Variants in LRBA observed in about 807,000 individuals in gnomAD.
The protein encoded by LRBA is lipopolysaccharide-responsive and beige-like anchor protein.
LRBA carries 176 observed loss-of-function variants against 330.0 expected under a neutral mutation model. The ratio of observed to expected loss-of-function variants is 0.53; its 90% CI spans 0.47 to 0.60. The LOEUF (loss-of-function observed/expected upper bound fraction) is 0.60, where lower values mean the gene tolerates loss of function less well. Among genes scored for constraint, LRBA ranks in the 20% least tolerant of loss-of-function variants. The pLI, the probability that LRBA is intolerant of heterozygous loss-of-function variation, is 0.00. For synonymous variants in LRBA, 1,230 were observed against 1,193.0 expected, an observed-to-expected ratio of 1.03 and a Z score of -0.64; for missense variants, 3,259 against 3,444.8, an observed-to-expected ratio of 0.95 and a Z score of 1.35.
In LRBA at chr4:150,321,864, AACT is replaced by A. The variant is rs1220195730; in HGVS notation, c.7453-499_7453-497del. On this transcript the variant is annotated intron_variant, in intron 49 of 56. Transcript: ENST00000651943. The surrounding 1 kb of genome is among the most constrained non-coding windows in gnomAD (Gnocchi z 4.5). Reference sequence around the variant, plus strand: ...GTTGAGTTAGCAGGAAGATTTTGACAACTACAAAGAGGTAATGAAAACAAATAC... The same window carrying A: ...GTTGAGTTAGCAGGAAGATTTTGACAACAAAGAGGTAATGAAAACAAATAC... 2.0e-5 allele frequency among the ~76,000 whole-genome samples: 3 copies of A among 152,206 alleles called. No homozygotes were observed. The highest frequency in any genetic ancestry group is 4.4e-5 in the Non-Finnish European group (3 of 68,040).
chr4:150,774,135 T>C (rs1449551548), intron 34 of LRBA, among the ~76,000 whole-genome samples: 4 of 152,254 alleles, frequency 2.6e-5, no homozygotes, highest in African/African-American at 9.6e-5. Flanking sequence ...CCAACAAGGA[T>C]GTTTTGTTTA....
At chr4:150,338,806 T>C (rs79560716) in intron 48 of LRBA, among the ~76,000 whole-genome samples, 2,470 of 152,300 alleles carry the variant, frequency 0.016, 35 homozygotes, top group Admixed American at 0.025. Flanking sequence ...AACTTATAGC[T>C]AGACATTAAC....
chr4:150,842,412 C>G (rs944166453), intron 28 of LRBA, among the ~76,000 whole-genome samples: 1 of 152,158 alleles, frequency 6.6e-6, no homozygotes, highest in African/African-American at 2.4e-5. Flanking sequence ...CTCAGCCTCC[C>G]AAGTAGCTAG....
rs571146027 is a variant in LRBA, at chr4:150,778,728, G to A, written c.5581-16881C>T. Reference sequence around the variant, plus strand: ...TGATCATCATTAAGTCTGTATCAGGGCTCCACATTTAGGAGCCATATAAAT... The same window carrying A: ...TGATCATCATTAAGTCTGTATCAGGACTCCACATTTAGGAGCCATATAAAT... On this transcript the variant is annotated intron_variant, in intron 34 of 56. Coordinates refer to ENST00000651943, the MANE Select transcript of LRBA (RefSeq NM_001364905.1). Among the ~76,000 whole-genome samples the A allele has an allele frequency of 4.6e-4, 70 of 152,162 alleles. No homozygotes were observed. In the Middle Eastern group the frequency reaches 0.017, roughly 37 times the overall value.
chr4:150,839,996 C>T (rs1222794067), intron 28 of LRBA, among the ~76,000 whole-genome samples: 1 of 151,958 alleles, frequency 6.6e-6, no homozygotes, highest in African/African-American at 2.4e-5. Flanking sequence ...TTGTACTTTT[C>T]TGTTATGGAG....
intron 34 of LRBA, among the ~76,000 whole-genome samples, chr4:150,780,089 A>C (rs1243480769): frequency 6.6e-6 from 1 of 152,202 alleles, no homozygotes; most frequent in African/African-American, 2.4e-5. Context: ...GCAGTTTTTA[A>C]GTAAAAGCAG....
intron 48 of LRBA, among the ~76,000 whole-genome samples, chr4:150,329,223 T>A (rs1305397255): frequency 6.6e-6 from 1 of 152,216 alleles, no homozygotes; most frequent in African/African-American, 2.4e-5. Context: ...ACAAATGCTT[T>A]ACTTCTTAAC....
chr4:150,490,916 A>G lies in LRBA; in HGVS notation c.6448+2T>C. Reference sequence around the variant, plus strand: ...TAACAACGTATTTCTGTAACACATTACCTCTGTTTGCCATAAAGATCTCCA... The same window carrying G: ...TAACAACGTATTTCTGTAACACATTGCCTCTGTTTGCCATAAAGATCTCCA... On this transcript the variant is annotated splice_donor_variant, in intron 41 of 56. Transcript: ENST00000651943. LOFTEE classifies it high-confidence loss of function. 2 of 1,554,668 alleles carry G rather than the reference A, an allele frequency of 1.3e-6. No individual in the cohort carries two copies. The highest frequency in any genetic ancestry group is 1.8e-6 in the Non-Finnish European group (2 of 1,129,016).
At chr4:150,725,316 A>G (rs1226012220) in intron 36 of LRBA, among the ~76,000 whole-genome samples, 1 of 152,176 alleles carries the variant, frequency 6.6e-6, no homozygotes, top group African/African-American at 2.4e-5. Context: ...AAGGTCAAGA[A>G]TAAAGAAAGG....
At chr4:150,629,547 G>C (rs1368537414) in intron 37 of LRBA, among the ~76,000 whole-genome samples, 1 of 152,114 alleles carries the variant, frequency 6.6e-6, no homozygotes, top group Non-Finnish European at 1.5e-5. Flanking sequence ...GCTGAGGCAG[G>C]AAGATCACTT....
chr4:150,874,585 G>A (rs1279744302), intron 17 of LRBA, among the ~76,000 whole-genome samples: 1 of 152,208 alleles, frequency 6.6e-6, no homozygotes, highest in Non-Finnish European at 1.5e-5. Flanking sequence ...GGCAGAGGCA[G>A]CTTGGTGACC....
chr4:150,600,668 CTAT>C (rs1374734474), intron 37 of LRBA, among the ~76,000 whole-genome samples: 3 of 151,758 alleles, frequency 2.0e-5, no homozygotes, highest in Non-Finnish European at 2.9e-5. Context: ...ATTTAAAAAG[CTAT>C]TATTATATAT....
chr4:150,431,537 A>G (rs956753883), intron 46 of LRBA, among the ~76,000 whole-genome samples: 1 of 152,226 alleles, frequency 6.6e-6, no homozygotes. Context: ...TGTTGAGTAT[A>G]AAATACCACT....
chr4:150,326,031 T>A (rs1733217835), intron 48 of LRBA, 133 bp from the exon 49 acceptor site: 1 of 654,442 alleles, frequency 1.5e-6, no homozygotes, highest in Admixed American at 2.2e-5. Context: ...GTTTTCACAG[T>A]GGGGCTAACC....
rs76323030 is a variant in LRBA at position 150,675,383 on chromosome 4, T to C, written c.5921+8168A>G. On this transcript the variant is annotated intron_variant, in intron 37 of 56. Coordinates refer to ENST00000651943, the MANE Select transcript of LRBA (RefSeq NM_001364905.1). ...GGGACAATTAATACTACCTATCTCA[T>C]TGCTCTGTTTTTAAGATACGATGAG... Among the ~76,000 whole-genome samples the C allele has an allele frequency of 8.2e-3, 1,241 of 152,234 alleles. 13 individuals carry two copies. Among genetic ancestry groups the C allele is most frequent in the African/African-American group, 0.028 (1,176 of 41,546 alleles).
At chr4:150,905,609 T>C (rs1277888830) in intron 13 of LRBA, among the ~76,000 whole-genome samples, 1 of 152,098 alleles carries the variant, frequency 6.6e-6, no homozygotes, top group Non-Finnish European at 1.5e-5. Flanking sequence ...TTACAAAGAA[T>C]ATATTCTTTG....
rs77771466 is a variant in LRBA at position 150,465,470 on chromosome 4, G to C, written c.6780+2203C>G. 4.2e-3 allele frequency among the ~76,000 whole-genome samples: 642 copies of C among 152,072 alleles called. 3 individuals are homozygous for C. The highest frequency in any genetic ancestry group is 0.015 in the African/African-American group (621 of 41,500). ...ATATAAGCTGCACTATCATACTTTC[G>C]CACCAGCATGCACAAGGGTTCCAAT... On this transcript the variant is annotated intron_variant, in intron 44 of 56. Transcript: ENST00000651943.
Position 150,531,629 on chromosome 4 carries a change from C to T in LRBA, c.6331-40594G>A, listed in dbSNP as rs76656123. Among the ~76,000 whole-genome samples the T allele has an allele frequency of 4.2e-3, 644 of 152,274 alleles. 3 individuals carry two copies. Among genetic ancestry groups the T allele is most frequent in the African/African-American group, 0.015 (623 of 41,560 alleles). ...TTTCTAGCATGTAACAGGCACTCAA[C>T]AAATTTTGATGAATGAGTGGATAGG... On this transcript the variant is annotated intron_variant, in intron 40 of 56. Transcript: ENST00000651943.
chr4:151,007,296 T>TG (rs1309568943), intron 2 of LRBA, among the ~76,000 whole-genome samples: 2 of 151,862 alleles, frequency 1.3e-5, no homozygotes, highest in African/African-American at 2.4e-5. Flanking sequence ...GGTCAGGAGA[T>TG]GGAGACCATC....
Sources: gnomAD v4.1 joint callset for allele counts (sites outside exome capture counted in the v4.1 genomes callset) on GRCh38, gnomAD v4.1.1 for gene constraint, Gnocchi (gnomAD v3.1) non-coding constraint, MANE v1.5 for transcripts, NCBI Gene and HGNC (gene_info 2026-07-23, HGNC 2026-07-21) for gene names.